Variants in CNTNAP2 observed in about 807,000 individuals in gnomAD.
CNTNAP2 encodes contactin-associated protein-like 2.
In CNTNAP2, 98 loss-of-function variants were observed where a neutral mutation model predicts 155.2. The observed-to-expected ratio is 0.63, with a 90% CI of 0.54 to 0.75. CNTNAP2 has a LOEUF of 0.75. Among genes scored for constraint, CNTNAP2 ranks in the 30% least tolerant of loss-of-function variants. CNTNAP2 has a pLI of 0.00. For missense variants in CNTNAP2, 1,727 were observed against 1,688.1 expected (o/e 1.02, Z -0.40); for synonymous variants, 651 against 631.2 (o/e 1.03, Z -0.47).
At chr7:146,537,291 A>G (rs1361850511) in intron 1 of CNTNAP2, among the ~76,000 whole-genome samples, 1 of 152,114 alleles carries the variant, frequency 6.6e-6, no homozygotes, top group African/African-American at 2.4e-5. Context: ...AATTAAAAAA[A>G]GTTTTCAAAA....
At chr7:146,177,572 G>A (rs1406504332) in intron 1 of CNTNAP2, among the ~76,000 whole-genome samples, 1 of 152,152 alleles carries the variant, frequency 6.6e-6, no homozygotes, top group Non-Finnish European at 1.5e-5. Context: ...TTTAAAGAAT[G>A]CCTCAAATTC....
chr7:147,791,787 C>T (rs1797824008), intron 13 of CNTNAP2, among the ~76,000 whole-genome samples: 1 of 151,462 alleles, frequency 6.6e-6, no homozygotes, highest in African/African-American at 2.4e-5. Context: ...CTTCAGTTGG[C>T]AAAAAGAGGT....
chr7:147,201,549 C>T (rs940317785), intron 8 of CNTNAP2, among the ~76,000 whole-genome samples: 6 of 152,146 alleles, frequency 3.9e-5, no homozygotes, highest in Non-Finnish European at 7.4e-5. Flanking sequence ...CAGTCTTCTG[C>T]ATAGCTCCTT....
chr7:147,668,633 G>GA (rs574344245), intron 13 of CNTNAP2, among the ~76,000 whole-genome samples: 425 of 152,040 alleles, frequency 2.8e-3, no homozygotes, highest in Non-Finnish European at 4.5e-3. Context: ...ATTAAAGATT[G>GA]AAAAAATATT....
intron 13 of CNTNAP2, among the ~76,000 whole-genome samples, chr7:147,739,298 G>T (rs765419861): frequency 1.3e-5 from 2 of 152,116 alleles, no homozygotes; most frequent in African/African-American, 4.8e-5. Flanking sequence ...GTGTTTGTGT[G>T]TGTTCACTGT....
intron 9 of CNTNAP2, among the ~76,000 whole-genome samples, chr7:147,364,008 G>T (rs1796186715): frequency 6.6e-6 from 1 of 152,108 alleles, no homozygotes; most frequent in Non-Finnish European, 1.5e-5. Context: ...ACTTGTAGAA[G>T]ATCACTGAAT....
chr7:146,840,817 G>A (rs1477853100), intron 3 of CNTNAP2, among the ~76,000 whole-genome samples: 2 of 152,104 alleles, frequency 1.3e-5, no homozygotes, highest in Non-Finnish European at 2.9e-5. Flanking sequence ...AGCTAAAGTG[G>A]ATGTTCATTT....
intron 11 of CNTNAP2, among the ~76,000 whole-genome samples, chr7:147,495,636 A>T (rs916750236): frequency 7.2e-5 from 11 of 152,218 alleles, no homozygotes; most frequent in Non-Finnish European, 1.3e-4. Flanking sequence ...GGTCTTGTTA[A>T]AGGAGCAGCA....
chr7:146,486,464 T>C (rs1295221599), intron 1 of CNTNAP2, among the ~76,000 whole-genome samples: 1 of 152,166 alleles, frequency 6.6e-6, no homozygotes. Flanking sequence ...AAAAGTTATC[T>C]GAGACACAGG....
chr7:146,144,259 C>T (rs1033931600), intron 1 of CNTNAP2, among the ~76,000 whole-genome samples: 2 of 152,054 alleles, frequency 1.3e-5, no homozygotes, highest in Admixed American at 1.3e-4. Flanking sequence ...TTAAGTGATC[C>T]TCTCGCCTCA....
intron 1 of CNTNAP2, among the ~76,000 whole-genome samples, chr7:146,133,897 G>T (rs1020254391): frequency 3.3e-5 from 5 of 151,832 alleles, no homozygotes; most frequent in African/African-American, 4.8e-5. Context: ...GGCGATGCGG[G>T]CTCTTTTTTG....
At chr7:147,006,752 A>G (rs1047563600) in intron 3 of CNTNAP2, among the ~76,000 whole-genome samples, 2 of 152,188 alleles carry the variant, frequency 1.3e-5, no homozygotes, top group Non-Finnish European at 2.9e-5. Context: ...CTGTGAGAAC[A>G]TGAGGCTCCT....
At chr7:146,246,141 T>G (rs190701787) in intron 1 of CNTNAP2, among the ~76,000 whole-genome samples, 4 of 145,614 alleles carry the variant, frequency 2.7e-5, no homozygotes, top group Non-Finnish European at 5.9e-5. Flanking sequence ...TGGCATTGAG[T>G]GGGGTAAGGG....
chr7:146,873,248 C>T (rs971502583), intron 3 of CNTNAP2, among the ~76,000 whole-genome samples: 3 of 133,474 alleles, frequency 2.2e-5, no homozygotes, highest in African/African-American at 9.1e-5. Flanking sequence ...TCCACCCACA[C>T]GTCTACAAAA....
chr7:147,249,522 C>T (rs2645055), intron 8 of CNTNAP2, among the ~76,000 whole-genome samples: 3 of 137,334 alleles, frequency 2.2e-5, no homozygotes, highest in Non-Finnish European at 4.7e-5. Flanking sequence ...CAACAATGGT[C>T]TCTTGATTAA....
intron 8 of CNTNAP2, among the ~76,000 whole-genome samples, chr7:147,257,296 C>T (rs1443768312): frequency 3.9e-5 from 6 of 152,154 alleles, no homozygotes; most frequent in African/African-American, 1.4e-4. Flanking sequence ...TCAGCTTACA[C>T]AGAAGTCTGT....
At chr7:146,917,736 C>T (rs970845757) in intron 3 of CNTNAP2, among the ~76,000 whole-genome samples, 6 of 152,036 alleles carry the variant, frequency 3.9e-5, no homozygotes, top group South Asian at 2.1e-4. Context: ...CAAGATCTGA[C>T]GGTTTTATAA....
chr7:146,489,812 T>A (rs1797112298), intron 1 of CNTNAP2, among the ~76,000 whole-genome samples: 1 of 146,434 alleles, frequency 6.8e-6, no homozygotes, highest in African/African-American at 2.7e-5. Context: ...ACCCCTGAAG[T>A]CGGGTGGTTT....
At chr7:147,694,633 T>C (rs1796136563) in intron 13 of CNTNAP2, among the ~76,000 whole-genome samples, 1 of 152,158 alleles carries the variant, frequency 6.6e-6, no homozygotes. Context: ...TTCACAGAAT[T>C]CATTTGTTAT....
Sources: allele counts gnomAD v4.1 joint callset (sites outside exome capture counted in the v4.1 genomes callset), GRCh38; gene constraint gnomAD v4.1.1; transcripts MANE v1.5; gene names NCBI Gene and HGNC (gene_info 2026-07-23, HGNC 2026-07-21).